The following NCOR2 variants were observed in gnomAD, a reference collection of about 807,000 sequenced individuals.
NCOR2 encodes the protein nuclear receptor corepressor 2.
NCOR2 carries 81 observed loss-of-function variants against 262.9 expected under a neutral mutation model. The ratio of observed to expected loss-of-function variants is 0.31; its 90% CI spans 0.26 to 0.37. The LOEUF (loss-of-function observed/expected upper bound fraction) is 0.37. NCOR2 is among the 10% of genes least tolerant of loss of function. NCOR2 has a pLI of 1.00. For missense variants in NCOR2, 3,385 were observed against 3,621.4 expected, an observed-to-expected ratio of 0.93 and a Z score of 1.68; for synonymous variants, 1,659 against 1,559.3, an observed-to-expected ratio of 1.06 and a Z score of -1.51.
intron 11 of NCOR2, among the ~76,000 whole-genome samples, chr12:124,423,064 G>A (rs1220408990): frequency 6.6e-6 from 1 of 152,222 alleles, no homozygotes; most frequent in Non-Finnish European, 1.5e-5. Context: ...GCAGGAGGGG[G>A]CTGGCCAGCC....
At chr12:124,492,666 G>C (rs561926429) in intron 1 of NCOR2, among the ~76,000 whole-genome samples, 1 of 152,138 alleles carries the variant, frequency 6.6e-6, no homozygotes, top group Non-Finnish European at 1.5e-5. Flanking sequence ...TTGATGAGGA[G>C]CTCAGGAAGG....
chr12:124,518,480 G>A (rs1016684742), intron 1 of NCOR2, among the ~76,000 whole-genome samples: 16 of 152,298 alleles, frequency 1.1e-4, no homozygotes, highest in Admixed American at 6.5e-4. Flanking sequence ...AAGGCCCACC[G>A]GCGACAAGTG....
intron 27 of NCOR2, among the ~76,000 whole-genome samples, chr12:124,351,323 T>C (rs2037441357): frequency 6.6e-6 from 1 of 152,196 alleles, no homozygotes. Flanking sequence ...GAAATTTTAG[T>C]TCTAACCCAG....
chr12:124,337,051 G>T (rs1306695408), exon 38 of NCOR2: 1 of 1,492,162 alleles, frequency 6.7e-7, no homozygotes, highest in Non-Finnish European at 8.9e-7. Flanking sequence ...CGACCCGGGG[G>T]GCCTCCTTGG....
chr12:124,521,308 A>C (rs1386098843), intron 1 of NCOR2, among the ~76,000 whole-genome samples: 1 of 152,186 alleles, frequency 6.6e-6, no homozygotes, highest in Non-Finnish European at 1.5e-5. Context: ...ACGTCTGGCT[A>C]TCTGCACCTC....
chr12:124,482,317 T>C lies in NCOR2; in HGVS notation c.411+1279A>G, dbSNP rs1379699780. Among the ~76,000 whole-genome samples the C allele has an allele frequency of 9.4e-5, 14 of 148,928 alleles. No individual in the cohort carries two copies. The highest frequency in any genetic ancestry group is 6.0e-5 in the Non-Finnish European group (4 of 67,210). On this transcript the variant is annotated intron_variant, in intron 3 of 46. Coordinates refer to ENST00000405201, the Ensembl canonical transcript of NCOR2. The surrounding 1 kb of genome is among the most constrained non-coding windows in gnomAD (Gnocchi z 6.3). Reference sequence around the variant, plus strand: ...GTGCAGGTGTCGGGGCCACAGCCACTCAGAGCAGGAGGGGAAGCCCAGCCA... The same window carrying C: ...GTGCAGGTGTCGGGGCCACAGCCACCCAGAGCAGGAGGGGAAGCCCAGCCA...
At position 124,383,664 on chromosome 12, in the gene NCOR2, A is replaced by C. The variant is rs996574953; in HGVS notation, c.2019+2081T>G. On this transcript the variant is annotated intron_variant, in intron 17 of 46. Transcript: ENST00000405201. ...CCTCCCGGAGCGCTGCCCCTCTGGC[A>C]GGCACTAAGGACCTCACAGGTAATC... Among the ~76,000 whole-genome samples, 9 of 152,358 alleles carry C rather than the reference A, an allele frequency of 5.9e-5. No individual in the cohort carries two copies. The East Asian group carries it at 1.7e-3, about 29-fold the overall frequency.
chr12:124,519,035 C>G (rs552655554), intron 1 of NCOR2, among the ~76,000 whole-genome samples: 1 of 150,304 alleles, frequency 6.7e-6, no homozygotes, highest in Admixed American at 6.7e-5. Context: ...CACTGGCATT[C>G]TGATCTGGGG....
intron 4 of NCOR2, among the ~76,000 whole-genome samples, chr12:124,466,623 T>C (rs1262956449): frequency 6.6e-6 from 1 of 152,078 alleles, no homozygotes; most frequent in Non-Finnish European, 1.5e-5. Flanking sequence ...ATTCTGACTG[T>C]GGTGAGAACT....
chr12:124,488,665 C>T (rs1045832013), intron 1 of NCOR2, among the ~76,000 whole-genome samples: 14 of 152,152 alleles, frequency 9.2e-5, no homozygotes, highest in South Asian at 2.1e-4. Flanking sequence ...CTGACAATGA[C>T]GCAGCTGCCA....
At chr12:124,362,446 T>C (rs908825188) in intron 21 of NCOR2, 149 bp from the exon 24 acceptor site, 3 of 761,636 alleles carry the variant, frequency 3.9e-6, no homozygotes, top group Non-Finnish European at 6.1e-6. Context: ...GAAAGGGAGG[T>C]CTTAGCACAG....
chr12:124,445,469 AG>A, intron 7 of NCOR2, among the ~76,000 whole-genome samples: 1 of 152,342 alleles, frequency 6.6e-6, no homozygotes, highest in East Asian at 1.9e-4. Context: ...TCTGTGCGGC[AG>A]GAAGTCAAGC....
chr12:124,533,700 T>A (rs534244704), intron 1 of NCOR2, among the ~76,000 whole-genome samples: 90 of 152,240 alleles, frequency 5.9e-4, no homozygotes, highest in Middle Eastern at 6.8e-3. Context: ...GAATATATAG[T>A]CATGTACTGC....
At chr12:124,486,077 C>T (rs1295980325) in intron 2 of NCOR2, among the ~76,000 whole-genome samples, 1 of 152,132 alleles carries the variant, frequency 6.6e-6, no homozygotes, top group African/African-American at 2.4e-5. Flanking sequence ...GTGTCCTCTG[C>T]CAGCTGGAGA....
intron 1 of NCOR2, among the ~76,000 whole-genome samples, chr12:124,551,752 T>C (rs1269827601): frequency 6.6e-6 from 1 of 152,214 alleles, no homozygotes; most frequent in Non-Finnish European, 1.5e-5. Flanking sequence ...TTCAGGTTTC[T>C]GCATGCAGGC....
At chr12:124,479,454 TACACAC>T (rs144568176) in intron 3 of NCOR2, among the ~76,000 whole-genome samples, 10 of 143,480 alleles carry the variant, frequency 7.0e-5, no homozygotes, top group African/African-American at 2.6e-4. Context: ...CACACACGCA[TACACAC>T]ACACACACAA....
chr12:124,325,253 C>T (rs1014811898), exon 47 of NCOR2: 8 of 479,170 alleles, frequency 1.7e-5, no homozygotes, highest in Admixed American at 4.4e-5. Flanking sequence ...GCAAGGATGC[C>T]GGCTCTGGAC....
intron 14 of NCOR2, 118 bp downstream of exon 16, chr12:124,402,286 C>G (rs1451899464): frequency 2.8e-5 from 43 of 1,538,770 alleles, no homozygotes; most frequent in East Asian, 1.4e-4. Context: ...AGCCCTCCCC[C>G]CTGCTCACAG....
At chr12:124,340,013 C>T in exon 37 of NCOR2, 1 of 1,611,980 alleles carries the variant, frequency 6.2e-7, no homozygotes, top group Non-Finnish European at 8.5e-7. Flanking sequence ...CACCTCAGGA[C>T]CGTGGGCGTG....
Sources: gnomAD v4.1 joint callset for allele counts (sites outside exome capture counted in the v4.1 genomes callset) on GRCh38, gnomAD v4.1.1 for gene constraint, Gnocchi (gnomAD v3.1) non-coding constraint, MANE v1.5 for transcripts, NCBI Gene and HGNC (gene_info 2026-07-23, HGNC 2026-07-21) for gene names.